The following CAMTA1 variants were observed in gnomAD, a reference collection of about 807,000 sequenced individuals.
CAMTA1 encodes the protein calmodulin binding transcription activator 1.
Under a neutral mutation model 170.9 loss-of-function variants are expected in CAMTA1, and 27 were observed. The ratio of observed to expected loss-of-function variants is 0.16; its 90% confidence interval spans 0.12 to 0.22. CAMTA1 has a LOEUF of 0.22. CAMTA1 is among the 10% of genes least tolerant of loss of function. The pLI, the probability that CAMTA1 is intolerant of heterozygous loss-of-function variation, is 1.00. For synonymous variants in CAMTA1, 833 were observed against 891.5 expected (o/e 0.93, Z 1.17); for missense variants, 1,619 against 2,217.2 (o/e 0.73, Z 5.42).
chr1:7,377,925 A>C (rs1029097403), intron 5 of CAMTA1, among the ~76,000 whole-genome samples: 19 of 152,206 alleles, frequency 1.2e-4, no homozygotes, highest in African/African-American at 4.6e-4. Flanking sequence ...TGTCTCAAAA[A>C]AATAATAATT....
chr1:7,603,629 T>C (rs1393703861), intron 6 of CAMTA1, among the ~76,000 whole-genome samples: 1 of 152,228 alleles, frequency 6.6e-6, no homozygotes, highest in Non-Finnish European at 1.5e-5. Context: ...GTCTTGACTC[T>C]TTATCCAATT....
intron 3 of CAMTA1, among the ~76,000 whole-genome samples, chr1:6,857,608 G>A (rs1662932043): frequency 2.0e-5 from 3 of 152,216 alleles, no homozygotes. Context: ...TGTTTACAGA[G>A]TAGGATAGAT....
intron 16 of CAMTA1, among the ~76,000 whole-genome samples, chr1:7,740,135 C>T (rs914375415): frequency 2.0e-5 from 3 of 152,206 alleles, no homozygotes; most frequent in African/African-American, 7.2e-5. Context: ...ATATCACCTA[C>T]CAACCACTGC....
At chr1:7,330,163 A>C (rs560101110) in intron 5 of CAMTA1, among the ~76,000 whole-genome samples, 5 of 152,160 alleles carry the variant, frequency 3.3e-5, no homozygotes, top group Non-Finnish European at 7.3e-5. Context: ...CTGAGTGCCA[A>C]CTGTTACCAG....
intron 4 of CAMTA1, among the ~76,000 whole-genome samples, chr1:7,246,542 C>T (rs1022992830): frequency 2.6e-5 from 4 of 152,004 alleles, no homozygotes; most frequent in Admixed American, 1.3e-4. Context: ...ATCTTTTATG[C>T]CATCATGAAG....
chr1:7,281,182 C>T (rs1216644526), intron 5 of CAMTA1, among the ~76,000 whole-genome samples: 6 of 152,160 alleles, frequency 3.9e-5, no homozygotes, highest in Non-Finnish European at 7.3e-5. Context: ...TAAAGACATT[C>T]GTTCAGTTTG....
At chr1:7,048,800 CTG>C (rs889587044) in intron 3 of CAMTA1, among the ~76,000 whole-genome samples, 1 of 152,172 alleles carries the variant, frequency 6.6e-6, no homozygotes, top group African/African-American at 2.4e-5. Context: ...CAGACACAGT[CTG>C]TGTGTTCCTC....
intron 5 of CAMTA1, among the ~76,000 whole-genome samples, chr1:7,260,353 T>C (rs1667987441): frequency 6.6e-6 from 1 of 152,218 alleles, no homozygotes; most frequent in Non-Finnish European, 1.5e-5. Context: ...ACATACCTGG[T>C]GAGGTTAGGG....
chr1:7,392,429 A>G lies in CAMTA1; in HGVS notation c.439-75401A>G, dbSNP rs571509565. On this transcript the variant is annotated intron_variant, in intron 5 of 22. Coordinates refer to ENST00000303635, the MANE Select transcript of CAMTA1 (RefSeq NM_015215.4). ...TGCCACCACACCCAGCTGATTTTGT[A>G]TTTTTAGTAGAGTCCGGGTTTCTCC... Among the ~76,000 whole-genome samples, 5 of 150,568 alleles carry G rather than the reference A, an allele frequency of 3.3e-5. No individual in the cohort carries two copies. In the East Asian group the frequency reaches 1.0e-3, roughly 31 times the overall value.
chr1:7,187,658 G>C (rs1481748224), intron 4 of CAMTA1, among the ~76,000 whole-genome samples: 2 of 152,170 alleles, frequency 1.3e-5, no homozygotes, highest in Non-Finnish European at 2.9e-5. Context: ...AGGCACATCA[G>C]TTCACCTGCC....
intron 4 of CAMTA1, among the ~76,000 whole-genome samples, chr1:7,116,843 G>A (rs1255829893): frequency 1.3e-5 from 2 of 150,028 alleles, no homozygotes; most frequent in African/African-American, 2.5e-5. Context: ...TAGTAGAGAC[G>A]GGGTTTCACC....
At chr1:7,229,467 GGCAGGAGGAGGGGAGGGGAGGGGAGGA>G in intron 4 of CAMTA1, among the ~76,000 whole-genome samples, 1 of 98,292 alleles carries the variant, frequency 1.0e-5, no homozygotes, top group Non-Finnish European at 2.1e-5. Flanking sequence ...AAGGAAGGAG[GGCAGGAGGAGGGGAGGGGAGGGGAGGA>G]CCAGAGGAAG....
chr1:7,537,108 G>T (rs1371441861), intron 6 of CAMTA1, among the ~76,000 whole-genome samples: 1 of 152,216 alleles, frequency 6.6e-6, no homozygotes, highest in Non-Finnish European at 1.5e-5. Flanking sequence ...GCTACAGCGG[G>T]CGCCTCCTCC....
intron 7 of CAMTA1, among the ~76,000 whole-genome samples, chr1:7,655,628 A>G (rs1346497247): frequency 1.3e-5 from 1 of 75,678 alleles, no homozygotes; most frequent in Non-Finnish European, 2.7e-5. Context: ...ACACCTATAC[A>G]CACACCTATA....
chr1:7,751,224 A>G lies in CAMTA1; in HGVS notation c.4715A>G (p.Gln1572Arg). 1 of 1,594,914 alleles carries G rather than the reference A, an allele frequency of 6.3e-7. No individual in the cohort carries two copies. The highest frequency in any genetic ancestry group is 1.4e-5 in the African/African-American group (1 of 73,554). The stretch of plus-strand genomic sequence containing the variant: ...TACGCACTTTATAAAAAGATGACAC[A>G]GGCTGCCATCCTTATCCAGAGCAAA... ...KQYALYKKMT[Q>R]AAILIQSKFR... The change falls in exon 20 of 23, where the codon CAG (glutamine) becomes CGG (arginine). Residue 1572 changes from glutamine (Q) to arginine (R), a missense_variant. Gln to Arg is a conservative substitution (Grantham distance 43). Around this residue, in one of 8 missense-constraint regions of CAMTA1, gnomAD observed 128 missense variants for 213.5 expected, o/e 0.60. Transcript: ENST00000303635.
chr1:7,439,860 G>A (rs574051904), intron 5 of CAMTA1, among the ~76,000 whole-genome samples: 2 of 152,362 alleles, frequency 1.3e-5, no homozygotes, highest in African/African-American at 4.8e-5. Context: ...GGTGCGGAGT[G>A]TCGGAGTCAC....
chr1:7,346,597 A>C (rs2084238661), intron 5 of CAMTA1, among the ~76,000 whole-genome samples: 1 of 152,202 alleles, frequency 6.6e-6, no homozygotes, highest in Admixed American at 6.5e-5. Flanking sequence ...CCTGTTTTGA[A>C]AATCAAAAGT....
intron 5 of CAMTA1, among the ~76,000 whole-genome samples, chr1:7,451,974 A>C (rs1364640329): frequency 6.6e-6 from 1 of 152,132 alleles, no homozygotes; most frequent in African/African-American, 2.4e-5. Flanking sequence ...GCTAATATGG[A>C]GGGGACACAA....
In CAMTA1 at chr1:7,534,179, A is replaced by G. The variant is rs2094523291; in HGVS notation, c.510+66278A>G. ...ACAAAGCCATACATCTTGGTGTGTG[A>G]CAAATCACTTTTTAATTGCCTGAAG... is the stretch of plus-strand genomic sequence containing the variant. On this transcript the variant is annotated intron_variant, in intron 6 of 22. Transcript: ENST00000303635. The surrounding 1 kb of genome is among the most constrained non-coding windows in gnomAD (Gnocchi z 5.6). Among the ~76,000 whole-genome samples, 1 of 152,180 alleles carries G rather than the reference A, an allele frequency of 6.6e-6. No homozygotes were observed. Among genetic ancestry groups the G allele is most frequent in the Non-Finnish European group, 1.5e-5 (1 of 68,030 alleles).
Sources: allele counts gnomAD v4.1 joint callset (sites outside exome capture counted in the v4.1 genomes callset), GRCh38; gene constraint gnomAD v4.1.1; regional missense constraint gnomAD v4.1.1; non-coding constraint Gnocchi (gnomAD v3.1); transcripts MANE v1.5; gene names NCBI Gene and HGNC (gene_info 2026-07-23, HGNC 2026-07-21).